The following PAK5 variants were observed in gnomAD, a reference collection of about 807,000 sequenced individuals.
The protein encoded by PAK5 is p21 (RAC1) activated kinase 5.
A neutral mutation model predicts 65.9 loss-of-function variants in PAK5; 16 were observed. That is an observed-to-expected ratio of 0.24 (90% confidence interval 0.16 to 0.37). The LOEUF (loss-of-function observed/expected upper bound fraction) is 0.37, where lower values mean the gene tolerates loss of function less well. PAK5 is among the 10% of genes least tolerant of loss of function. The pLI is 1.00. For missense variants in PAK5, 785 were observed against 903.9 expected (o/e 0.87, Z 1.69); for synonymous variants, 371 against 354.9 (o/e 1.05, Z -0.51).
At chr20:9,631,714 T>C (rs2046924218) in intron 3 of PAK5, among the ~76,000 whole-genome samples, 1 of 152,192 alleles carries the variant, frequency 6.6e-6, no homozygotes, top group Non-Finnish European at 1.5e-5. Context: ...CATGCAGTAA[T>C]AGAAAGCTGA....
At chr20:9,674,654 T>C (rs1031497606) in intron 2 of PAK5, among the ~76,000 whole-genome samples, 1 of 152,198 alleles carries the variant, frequency 6.6e-6, no homozygotes, top group Non-Finnish European at 1.5e-5. Context: ...AAGCAGAGCC[T>C]GAAGCAGTGA....
intron 1 of PAK5, among the ~76,000 whole-genome samples, chr20:9,800,716 G>T (rs1329657944): frequency 6.6e-6 from 1 of 151,860 alleles, no homozygotes; most frequent in Non-Finnish European, 1.5e-5. Flanking sequence ...TACTTTCCAA[G>T]AAGTAAATCA....
intron 1 of PAK5, among the ~76,000 whole-genome samples, chr20:9,790,476 TA>T (rs913928246): frequency 6.6e-6 from 1 of 151,960 alleles, no homozygotes; most frequent in African/African-American, 2.4e-5. Context: ...AATGATCTCT[TA>T]AAAAAAGCCA....
intron 3 of PAK5, among the ~76,000 whole-genome samples, chr20:9,641,795 G>A (rs1478092198): frequency 2.6e-5 from 4 of 152,120 alleles, no homozygotes. Flanking sequence ...CGGCACTGCT[G>A]GGGGACTCAG....
At chr20:9,716,255 C>G (rs1321887267) in intron 1 of PAK5, among the ~76,000 whole-genome samples, 1 of 152,032 alleles carries the variant, frequency 6.6e-6, no homozygotes, top group Non-Finnish European at 1.5e-5. Flanking sequence ...ACAATAAATT[C>G]TAGAAGGACA....
rs575207497 is a variant in PAK5, at chr20:9,828,742, C to T, written c.-162+10020G>A. Among the ~76,000 whole-genome samples, 18 of 152,198 alleles carry T rather than the reference C, an allele frequency of 1.2e-4. No individual in the cohort carries two copies. The East Asian group carries it at 3.3e-3, about 28-fold the overall frequency. ...GCTAAAGAATTTCTTAAATAGTATG[C>T]CAAACTTGAATTTTAATTGGAAATG... On this transcript the variant is annotated intron_variant, in intron 1 of 9. Transcript: ENST00000353224.
intron 1 of PAK5, among the ~76,000 whole-genome samples, chr20:9,748,948 C>T (rs537970519): frequency 3.3e-5 from 5 of 152,250 alleles, no homozygotes; most frequent in African/African-American, 7.2e-5. Context: ...AAGTTTCTCT[C>T]GTGCCCTGTT....
At chr20:9,652,198 G>C (rs1017985733) in intron 2 of PAK5, among the ~76,000 whole-genome samples, 4 of 152,152 alleles carry the variant, frequency 2.6e-5, no homozygotes, top group African/African-American at 9.7e-5. Context: ...AAAGGTGACT[G>C]TTTCAGAAAT....
chr20:9,557,682 A>C lies in PAK5; in HGVS notation c.1669T>G (p.Ser557Ala), dbSNP rs1305866529. Residue 557 changes from serine to alanine, a missense_variant, in exon 7 of 10, where the codon TCC becomes GCC. Transcript: ENST00000353224. ...TVCLSVLRAL[S>A]YLHNQGVIHR... is the part of the protein sequence containing the mutation. ...ATCACTCCTTGGTTATGAAGGTAGG[A>C]GAGAGCTCTCAGAACTGACAGGCAG... The C allele has an allele frequency of 6.2e-7, 1 of 1,611,440 alleles. No individual in the cohort carries two copies. The highest frequency in any genetic ancestry group is 8.5e-7 in the Non-Finnish European group (1 of 1,177,800).
At chr20:9,721,406 G>T (rs1293867863) in intron 1 of PAK5, among the ~76,000 whole-genome samples, 2 of 151,960 alleles carry the variant, frequency 1.3e-5, no homozygotes, top group African/African-American at 4.8e-5. Context: ...TCAGCACTTT[G>T]GTAGGCCGAG....
rs2045681993 is a variant in PAK5, at chr20:9,566,410, A to C, written c.991-26T>G. The C allele has an allele frequency of 1.9e-6, 3 of 1,600,952 alleles. No individual in the cohort carries two copies. The Admixed American group carries it at 5.0e-5, about 27-fold the overall frequency. ...CTGGGAAGACAGACATGGATAGAGA[A>C]TATTCACATGCTGGATCTGAATGCC... On this transcript the variant is annotated intron_variant, in intron 4 of 9. Transcript: ENST00000353224.
At chr20:9,691,017 A>T (rs2047789717) in intron 2 of PAK5, among the ~76,000 whole-genome samples, 1 of 151,924 alleles carries the variant, frequency 6.6e-6, no homozygotes, top group Admixed American at 6.6e-5. Flanking sequence ...GGCCTCCCAA[A>T]GTGCTGGGAT....
chr20:9,745,875 TA>T (rs5840329), intron 1 of PAK5, among the ~76,000 whole-genome samples: 2 of 150,700 alleles, frequency 1.3e-5, no homozygotes, highest in East Asian at 2.0e-4. Context: ...ATGTAACAAC[TA>T]AAAAAAAAGA....
chr20:9,788,592 C>A (rs1426275454), intron 1 of PAK5, among the ~76,000 whole-genome samples: 1 of 69,858 alleles, frequency 1.4e-5, no homozygotes, highest in African/African-American at 5.0e-5. Flanking sequence ...CTGGTTATCA[C>A]CTTGCAAAAA....
chr20:9,749,768 C>T (rs143135969), intron 1 of PAK5, among the ~76,000 whole-genome samples: 64 of 152,246 alleles, frequency 4.2e-4, no homozygotes, highest in Middle Eastern at 3.4e-3. Context: ...TCATTGCTTC[C>T]TTCATCAGGA....
At chr20:9,660,083 G>A (rs2047323832) in intron 2 of PAK5, among the ~76,000 whole-genome samples, 1 of 152,042 alleles carries the variant, frequency 6.6e-6, no homozygotes, top group South Asian at 2.1e-4. Context: ...ATCTGAAGAT[G>A]CCCACTTCTA....
intron 2 of PAK5, among the ~76,000 whole-genome samples, chr20:9,661,113 T>C (rs2047339994): frequency 6.6e-6 from 1 of 152,154 alleles, no homozygotes; most frequent in Non-Finnish European, 1.5e-5. Flanking sequence ...ACTGCAGGGC[T>C]TTGGTTTTTT....
At chr20:9,740,268 C>T (rs1455880361) in intron 1 of PAK5, among the ~76,000 whole-genome samples, 1 of 152,052 alleles carries the variant, frequency 6.6e-6, no homozygotes, top group East Asian at 1.9e-4. Context: ...AATGTGAAGG[C>T]TCTAAATACC....
intron 1 of PAK5, among the ~76,000 whole-genome samples, chr20:9,726,863 A>G (rs2048283585): frequency 6.6e-6 from 1 of 152,162 alleles, no homozygotes; most frequent in South Asian, 2.1e-4. Context: ...AAAAAGGATG[A>G]TCAACTATGT....
Sources: gnomAD v4.1 joint callset for allele counts (sites outside exome capture counted in the v4.1 genomes callset) on GRCh38, gnomAD v4.1.1 for gene constraint, MANE v1.5 for transcripts, NCBI Gene and HGNC (gene_info 2026-07-23, HGNC 2026-07-21) for gene names.